NEO1: variants seen among roughly 807,000 people sequenced by gnomAD.
NEO1 encodes the protein neogenin 1.
NEO1 carries 63 observed loss-of-function variants against 159.7 expected under a neutral mutation model. The observed-to-expected ratio is 0.39, with a 90% confidence interval of 0.32 to 0.49. NEO1 has a LOEUF of 0.49. NEO1 is among the 20% of genes least tolerant of loss of function. NEO1 has a pLI of 0.85. For synonymous variants in NEO1, 633 were observed against 662.0 expected (o/e 0.96, Z 0.67); for missense variants, 1,615 against 1,831.0 (o/e 0.88, Z 2.15).
At chr15:73,133,563 A>G (rs376790636) in intron 4 of NEO1, among the ~76,000 whole-genome samples, 9 of 152,294 alleles carry the variant, frequency 5.9e-5, no homozygotes, top group East Asian at 1.9e-4. Context: ...TTTTTTTGAA[A>G]GCCTTTCCGC....
chr15:73,114,391 A>T (rs1261790922), intron 1 of NEO1, among the ~76,000 whole-genome samples: 2 of 152,202 alleles, frequency 1.3e-5, no homozygotes, highest in Non-Finnish European at 2.9e-5. Context: ...TGAAGAGAGG[A>T]TATCTTAGGT....
intron 1 of NEO1, among the ~76,000 whole-genome samples, chr15:73,112,068 A>G (rs1201553977): frequency 1.3e-5 from 2 of 152,134 alleles, no homozygotes; most frequent in Admixed American, 6.6e-5. Context: ...AGTAGTAACA[A>G]CCTGGTGTAC....
intron 8 of NEO1, among the ~76,000 whole-genome samples, chr15:73,239,341 A>G (rs750008213): frequency 3.9e-5 from 6 of 152,170 alleles, no homozygotes; most frequent in Non-Finnish European, 8.8e-5. Flanking sequence ...CTTCTAGGTA[A>G]CTGTCCTATA....
intron 8 of NEO1, among the ~76,000 whole-genome samples, chr15:73,238,270 G>GATTTTT: frequency 1.4e-5 from 1 of 72,606 alleles, no homozygotes; most frequent in African/African-American, 5.0e-5. Flanking sequence ...TTTTAGTTTG[G>GATTTTT]GTTTTTTTTT....
chr15:73,205,248 A>G (rs2037143472), intron 7 of NEO1, among the ~76,000 whole-genome samples: 1 of 152,124 alleles, frequency 6.6e-6, no homozygotes, highest in East Asian at 1.9e-4. Flanking sequence ...TCCCTTTCCC[A>G]TCTGTAGTGT....
At position 73,236,494 on chromosome 15, in the gene NEO1, A is replaced by T; in HGVS notation, c.1439A>T (p.Glu480Val). ...ACCTACTCTGTGTTCTACACCAAGG[A>T]AGGGATTGCTAGGTAAGTGCCTGTG... ...NLTYSVFYTK[E>V]GIARERVENT... is the part of the protein sequence containing the mutation. The change falls in exon 8 of 29, where the codon GAA becomes GTA. Residue 480 changes from glutamate (E) to valine (V), a missense_variant. By Grantham distance (121) the Glu-to-Val change is moderately radical. Around this residue, in one of 3 missense-constraint regions of NEO1, gnomAD observed 1,018 missense variants for 1,115.4 expected, o/e 0.91. Coordinates refer to ENST00000261908, the MANE Select transcript of NEO1 (RefSeq NM_002499.4). 6.2e-7 allele frequency: 1 copy of T among 1,613,980 alleles called. No individual in the cohort carries two copies. The highest frequency in any genetic ancestry group is 8.5e-7 in the Non-Finnish European group (1 of 1,179,920).
At chr15:73,096,701 A>C (rs1054037249) in intron 1 of NEO1, among the ~76,000 whole-genome samples, 2 of 152,188 alleles carry the variant, frequency 1.3e-5, no homozygotes, top group Admixed American at 6.5e-5. Flanking sequence ...TTCATCAAGC[A>C]AGGGTGACTT....
intron 5 of NEO1, among the ~76,000 whole-genome samples, chr15:73,156,568 A>C (rs1351506043): frequency 6.6e-6 from 1 of 152,212 alleles, no homozygotes; most frequent in Non-Finnish European, 1.5e-5. Flanking sequence ...CTTCTCATTC[A>C]CAAGTGTTGT....
intron 1 of NEO1, among the ~76,000 whole-genome samples, chr15:73,082,330 T>G (rs1291874522): frequency 6.6e-6 from 1 of 152,220 alleles, no homozygotes; most frequent in Non-Finnish European, 1.5e-5. Flanking sequence ...TAGGTAAATT[T>G]TGACTGATGT....
At chr15:73,226,073 G>A (rs1356000059) in intron 7 of NEO1, among the ~76,000 whole-genome samples, 1 of 152,224 alleles carries the variant, frequency 6.6e-6, no homozygotes, top group Admixed American at 6.5e-5. Flanking sequence ...CTCCAGTGGG[G>A]ATGTGTGTTC....
At chr15:73,227,250 C>G (rs2038640053) in intron 7 of NEO1, among the ~76,000 whole-genome samples, 1 of 152,156 alleles carries the variant, frequency 6.6e-6, no homozygotes, top group Non-Finnish European at 1.5e-5. Flanking sequence ...AATCCCAGCA[C>G]TTTGGGAGGC....
chr15:73,236,241 C>G lies in NEO1; in HGVS notation c.1292-106C>G, dbSNP rs779068171. The stretch of plus-strand genomic sequence containing the variant: ...TTTTTTCTGTTCTCTTTTTTAAAAC[C>G]GTCGTGGTTTGCCCTTCATATTCCC... On this transcript the variant is annotated intron_variant, in intron 7 of 28. Coordinates refer to ENST00000261908, the MANE Select transcript of NEO1 (RefSeq NM_002499.4). 1.2e-5 allele frequency: 17 copies of G among 1,462,636 alleles called. No homozygotes were observed. The South Asian group carries it at 1.8e-4, about 16-fold the overall frequency. 90.6% of individuals were successfully genotyped at this position (1,462,636 alleles called of 1,614,324 possible).
chr15:73,208,830 C>T (rs1033623553), intron 7 of NEO1, among the ~76,000 whole-genome samples: 1 of 152,014 alleles, frequency 6.6e-6, no homozygotes, highest in African/African-American at 2.4e-5. Context: ...CCACTGCACT[C>T]CAGCCTGGGT....
intron 5 of NEO1, among the ~76,000 whole-genome samples, chr15:73,159,369 T>C (rs1002702464): frequency 6.6e-6 from 1 of 152,120 alleles, no homozygotes; most frequent in Admixed American, 6.5e-5. Context: ...TAATTTGGTC[T>C]TTTCCTCCAG....
Position 73,254,734 on chromosome 15 carries a change from T to G in NEO1, c.1997T>G (p.Ile666Ser), listed in dbSNP as rs767878479. 3.7e-6 allele frequency: 6 copies of G among 1,613,940 alleles called. No homozygotes were observed. In the Admixed American group the frequency reaches 6.7e-5, roughly 18 times the overall value. ...GCTCCAGCCACACAAAATGGGCAGA[T>G]TACTGGCTACAAGATTCGCTACCGA... The part of the protein sequence containing the change: ...PPAPATQNGQ[I>S]TGYKIRYRKA... The change falls in exon 13 of 29, where the codon ATT (isoleucine) becomes AGT (serine). Residue 666 changes from isoleucine (I) to serine (S), a missense_variant. Ile to Ser is a moderately radical substitution (Grantham distance 142). This residue lies in a region of NEO1 where 1,018 missense variants were observed against 1,115.4 expected (regional missense o/e 0.91). Coordinates refer to ENST00000261908, the MANE Select transcript of NEO1 (RefSeq NM_002499.4).
chr15:73,298,211 T>G, intron 26 of NEO1, 137 bp from the exon 27 acceptor site: 1 of 1,020,244 alleles, frequency 9.8e-7, no homozygotes, highest in Non-Finnish European at 1.4e-6. Flanking sequence ...GTGGTGCTAA[T>G]CCATGTTCTC....
intron 10 of NEO1, 140 bp from the exon 11 acceptor site, chr15:73,249,443 C>A: frequency 2.0e-6 from 2 of 1,016,184 alleles, no homozygotes; most frequent in African/African-American, 1.6e-5. Context: ...GATTCATCTG[C>A]TTTGACTATT....
intron 1 of NEO1, among the ~76,000 whole-genome samples, chr15:73,086,458 T>C (rs1402010434): frequency 6.6e-6 from 1 of 152,164 alleles, no homozygotes; most frequent in African/African-American, 2.4e-5. Context: ...TATGAAAATT[T>C]TGGTTGAGAT....
chr15:73,184,070 T>C (rs1224418080), intron 7 of NEO1, among the ~76,000 whole-genome samples: 1 of 152,182 alleles, frequency 6.6e-6, no homozygotes, highest in Non-Finnish European at 1.5e-5. Flanking sequence ...AATTTCAGCC[T>C]TTGTGACTTC....
Sources: gnomAD v4.1 joint callset for allele counts (sites outside exome capture counted in the v4.1 genomes callset) on GRCh38, gnomAD v4.1.1 for gene constraint, gnomAD v4.1.1 regional missense constraint, MANE v1.5 for transcripts, NCBI Gene and HGNC (gene_info 2026-07-23, HGNC 2026-07-21) for gene names.